The following BICC1 variants were observed in gnomAD, a reference collection of about 807,000 sequenced individuals.
BICC1 encodes the protein BicC family RNA binding protein 1.
In BICC1, 43 loss-of-function variants were observed where a neutral mutation model predicts 111.0. The ratio of observed to expected loss-of-function variants is 0.39; its 90% CI spans 0.30 to 0.50. The LOEUF is 0.50. Ranked by LOEUF, BICC1 falls within the 20% of genes least tolerant of loss-of-function variation. BICC1 has a pLI of 0.88. For missense variants in BICC1, 1,091 were observed against 1,203.2 expected (o/e 0.91, Z 1.38); for synonymous variants, 467 against 434.4 (o/e 1.07, Z -0.93).
At chr10:58,605,071 T>A (rs980582812) in intron 1 of BICC1, among the ~76,000 whole-genome samples, 4 of 152,206 alleles carry the variant, frequency 2.6e-5, no homozygotes, top group African/African-American at 9.6e-5. Context: ...GGGGTTAGCA[T>A]TTCAGCATAT....
At chr10:58,585,970 A>G (rs527894440) in intron 1 of BICC1, among the ~76,000 whole-genome samples, 1 of 152,302 alleles carries the variant, frequency 6.6e-6, no homozygotes, top group Non-Finnish European at 1.5e-5. Flanking sequence ...TAGCCACATG[A>G]GTAGCTAATA....
chr10:58,803,252 A>G lies in BICC1; in HGVS notation c.2181+10A>G, dbSNP rs569510601. 3.8e-6 allele frequency: 6 copies of G among 1,572,000 alleles called. No homozygotes were observed. In the African/African-American group the frequency reaches 8.1e-5, roughly 21 times the overall value. On this transcript the variant is annotated intron_variant, in intron 15 of 20. Coordinates refer to ENST00000373886, the MANE Select transcript of BICC1 (RefSeq NM_001080512.3). ...ATATGTCAACATGCAGGTAATGGTA[A>G]TAAAATAGGAAAGCCACTCAAATGT... is the stretch of plus-strand genomic sequence containing the variant.
chr10:58,705,437 AG>A, intron 3 of BICC1, among the ~76,000 whole-genome samples: 1 of 152,246 alleles, frequency 6.6e-6, no homozygotes, highest in African/African-American at 2.4e-5. Context: ...GGATTAGTTT[AG>A]AGTGATGACA....
chr10:58,725,963 G>A (rs1407766838), intron 3 of BICC1, among the ~76,000 whole-genome samples: 1 of 152,176 alleles, frequency 6.6e-6, no homozygotes, highest in African/African-American at 2.4e-5. Flanking sequence ...TGGGGAACTT[G>A]GAGACCAACT....
chr10:58,532,151 A>T (rs1658471), intron 1 of BICC1, among the ~76,000 whole-genome samples: 69,573 of 151,422 alleles, frequency 0.46, 17,008 homozygotes, highest in Admixed American at 0.62. Flanking sequence ...CAAAAACAAA[A>T]ATCTTAAGGG....
In BICC1 at chr10:58,798,567, A is replaced by G. The variant is rs1480120946; in HGVS notation, c.1528+7A>G. 2.8e-5 allele frequency: 44 copies of G among 1,589,214 alleles called. No individual in the cohort carries two copies. The highest frequency in any genetic ancestry group is 3.6e-5 in the Non-Finnish European group (42 of 1,171,040). ...AATACTTCAAGTGCCACAGGTCAGTATCATTTAAGTATATTCCAAGTTGTG... is the reference window on the plus strand; with the variant it reads ...AATACTTCAAGTGCCACAGGTCAGTGTCATTTAAGTATATTCCAAGTTGTG... On this transcript the variant is annotated splice_region_variant and intron_variant, in intron 11 of 20. Coordinates refer to ENST00000373886, the MANE Select transcript of BICC1 (RefSeq NM_001080512.3).
At chr10:58,779,259 A>G (rs543217634) in intron 3 of BICC1, among the ~76,000 whole-genome samples, 2 of 152,312 alleles carry the variant, frequency 1.3e-5, no homozygotes, top group East Asian at 3.9e-4. Context: ...GATGGCTCAG[A>G]TAGGGTTTGA....
chr10:58,573,715 G>C (rs773992163), intron 1 of BICC1, among the ~76,000 whole-genome samples: 2 of 152,136 alleles, frequency 1.3e-5, no homozygotes, highest in Non-Finnish European at 2.9e-5. Context: ...CCTGCTGTCT[G>C]TCCTTAGGGT....
At chr10:58,583,643 C>A (rs1459439368) in intron 1 of BICC1, among the ~76,000 whole-genome samples, 4 of 146,746 alleles carry the variant, frequency 2.7e-5, no homozygotes, top group African/African-American at 1.0e-4. Context: ...CACACACATA[C>A]CACATTTTCT....
At chr10:58,805,611 A>G (rs529247896) in intron 15 of BICC1, among the ~76,000 whole-genome samples, 1 of 152,314 alleles carries the variant, frequency 6.6e-6, no homozygotes, top group African/African-American at 2.4e-5. Flanking sequence ...TTTGTCTGGG[A>G]CAGCCTCTAT....
intron 3 of BICC1, among the ~76,000 whole-genome samples, chr10:58,741,857 G>T (rs1018696370): frequency 1.9e-4 from 29 of 152,304 alleles, no homozygotes; most frequent in African/African-American, 6.7e-4. Context: ...AGTGACCATG[G>T]CTGCTGGCAC....
intron 1 of BICC1, among the ~76,000 whole-genome samples, chr10:58,567,493 T>C (rs993182204): frequency 6.6e-5 from 10 of 151,878 alleles, no homozygotes; most frequent in African/African-American, 2.4e-4. Flanking sequence ...AATACATGTA[T>C]GTCTTTTGGG....
chr10:58,746,927 C>CATGA (rs1841851864), intron 3 of BICC1, among the ~76,000 whole-genome samples: 1 of 152,148 alleles, frequency 6.6e-6, no homozygotes, highest in Non-Finnish European at 1.5e-5. Flanking sequence ...ATTCTGGCAA[C>CATGA]AGAGTAGTAC....
intron 1 of BICC1, among the ~76,000 whole-genome samples, chr10:58,612,765 A>G (rs768394834): frequency 6.6e-6 from 1 of 152,220 alleles, no homozygotes; most frequent in Non-Finnish European, 1.5e-5. Flanking sequence ...GTTTCATACT[A>G]TGTTATAAAT....
At chr10:58,518,540 T>C (rs1026343126) in intron 1 of BICC1, among the ~76,000 whole-genome samples, 1 of 147,328 alleles carries the variant, frequency 6.8e-6, no homozygotes, top group African/African-American at 2.5e-5. Flanking sequence ...GCCAAGTCTT[T>C]TTTTCTTTTT....
intron 1 of BICC1, among the ~76,000 whole-genome samples, chr10:58,526,391 CT>C (rs750170623): frequency 6.6e-6 from 1 of 150,930 alleles, no homozygotes. Context: ...TTGTTTCTTT[CT>C]TTTTTTCTTA....
intron 17 of BICC1, 89 bp from the exon 18 acceptor site, chr10:58,813,741 G>A (rs1748329374): frequency 7.5e-7 from 1 of 1,328,124 alleles, no homozygotes; most frequent in South Asian, 1.4e-5. Context: ...GAAGTAAACG[G>A]CAGTGGTGTA....
intron 3 of BICC1, among the ~76,000 whole-genome samples, chr10:58,724,896 C>T (rs1184546670): frequency 6.6e-6 from 1 of 152,214 alleles, no homozygotes; most frequent in African/African-American, 2.4e-5. Context: ...GAGATGAAAG[C>T]AGATAGAGTT....
At chr10:58,620,780 C>G in intron 1 of BICC1, 75 bp from the exon 2 acceptor site, 1 of 1,420,792 alleles carries the variant, frequency 7.0e-7, no homozygotes, top group Non-Finnish European at 9.8e-7. Flanking sequence ...TTTGCATTCT[C>G]ATATCTGATG....
Sources: allele counts gnomAD v4.1 joint callset (sites outside exome capture counted in the v4.1 genomes callset), GRCh38; gene constraint gnomAD v4.1.1; transcripts MANE v1.5; gene names NCBI Gene and HGNC (gene_info 2026-07-23, HGNC 2026-07-21).